The following DLG2 variants were observed in gnomAD, a reference collection of about 807,000 sequenced individuals.
DLG2 encodes the protein disks large homolog 2.
A neutral mutation model predicts 132.5 loss-of-function variants in DLG2; 45 were observed. The observed-to-expected ratio is 0.34, with a 90% confidence interval of 0.27 to 0.44. The LOEUF is 0.44. Among genes scored for constraint, DLG2 ranks in the 20% least tolerant of loss-of-function variants. The pLI is 1.00. For synonymous variants in DLG2, 424 were observed against 419.6 expected (o/e 1.01, Z -0.13); for missense variants, 1,045 against 1,196.9 (o/e 0.87, Z 1.87).
intron 10 of DLG2, among the ~76,000 whole-genome samples, chr11:84,090,493 G>A (rs1198062069): frequency 6.7e-6 from 1 of 150,178 alleles, no homozygotes; most frequent in Non-Finnish European, 1.5e-5. Context: ...CACAAATGAC[G>A]AGTAACATTT....
intron 3 of DLG2, among the ~76,000 whole-genome samples, chr11:85,337,236 T>A (rs2082195077): frequency 1.3e-5 from 2 of 152,192 alleles, no homozygotes; most frequent in African/African-American, 4.8e-5. Context: ...CTGTTAAAAA[T>A]ATTTTAATTC....
intron 7 of DLG2, among the ~76,000 whole-genome samples, chr11:84,391,676 G>A (rs2098792944): frequency 6.6e-6 from 1 of 152,008 alleles, no homozygotes; most frequent in Admixed American, 6.6e-5. Context: ...CACTACAGCT[G>A]ATTGTATTCC....
rs2096884591 is a variant in DLG2, at chr11:83,577,080, T to A, written c.1941-35222A>T. On this transcript the variant is annotated intron_variant, in intron 19 of 27. Transcript: ENST00000376104. ...CCTTAATCTGGTAGGCACAATCTAA[T>A]CAGCTGCCAGCGAATATAAAGCAGG... Among the ~76,000 whole-genome samples the A allele has an allele frequency of 2.0e-5, 3 of 152,102 alleles. No individual in the cohort carries two copies. The South Asian group carries it at 6.2e-4, about 32-fold the overall frequency.
At chr11:84,287,805 T>C (rs1163463562) in intron 7 of DLG2, among the ~76,000 whole-genome samples, 1 of 150,738 alleles carries the variant, frequency 6.6e-6, no homozygotes, top group Non-Finnish European at 1.5e-5. Context: ...CTATTTCATA[T>C]AGAAGGAGAA....
chr11:85,411,387 A>C (rs890647011), intron 3 of DLG2, among the ~76,000 whole-genome samples: 2 of 151,902 alleles, frequency 1.3e-5, no homozygotes, highest in African/African-American at 4.8e-5. Flanking sequence ...GCAGCGTTAA[A>C]GAACATAGAC....
chr11:85,562,375 T>C (rs988501758), intron 3 of DLG2, among the ~76,000 whole-genome samples: 28 of 151,726 alleles, frequency 1.8e-4, no homozygotes, highest in African/African-American at 6.8e-4. Context: ...AGAAGGGAAA[T>C]GTTTACCATT....
At chr11:84,596,297 T>C (rs1020032539) in intron 6 of DLG2, among the ~76,000 whole-genome samples, 1 of 151,164 alleles carries the variant, frequency 6.6e-6, no homozygotes, top group Non-Finnish European at 1.5e-5. Context: ...AACCTCTGCC[T>C]CCCAGGTACA....
chr11:84,973,256 G>A (rs2054365571), intron 6 of DLG2, among the ~76,000 whole-genome samples: 1 of 152,066 alleles, frequency 6.6e-6, no homozygotes, highest in Non-Finnish European at 1.5e-5. Context: ...ACCACGCCTG[G>A]CCTAAGCCTC....
intron 6 of DLG2, among the ~76,000 whole-genome samples, chr11:84,549,457 C>T (rs2099397308): frequency 6.6e-6 from 1 of 152,184 alleles, no homozygotes; most frequent in Non-Finnish European, 1.5e-5. Flanking sequence ...TTGCTCAGTG[C>T]ACCTGGTGCC....
intron 14 of DLG2, among the ~76,000 whole-genome samples, chr11:83,950,179 G>T (rs927097993): frequency 6.6e-6 from 1 of 152,190 alleles, no homozygotes; most frequent in African/African-American, 2.4e-5. Context: ...TTTGTAAACT[G>T]AAAGGTATTA....
chr11:84,313,687 A>AAG (rs760229361), intron 7 of DLG2, among the ~76,000 whole-genome samples: 7 of 141,380 alleles, frequency 5.0e-5, no homozygotes, highest in African/African-American at 1.0e-4. Flanking sequence ...GAAAGAAAGA[A>AAG]AAAGAAAGAG....
At chr11:85,065,643 G>C (rs1053087166) in intron 6 of DLG2, among the ~76,000 whole-genome samples, 60 of 151,048 alleles carry the variant, frequency 4.0e-4, no homozygotes, top group African/African-American at 1.4e-3. Context: ...AATAAAGCTA[G>C]AAATTAATAC....
intron 7 of DLG2, among the ~76,000 whole-genome samples, chr11:84,339,687 G>T (rs1307441533): frequency 6.6e-6 from 1 of 152,152 alleles, no homozygotes; most frequent in African/African-American, 2.4e-5. Flanking sequence ...AGGAAGCAGA[G>T]CTGAATTCTG....
chr11:84,519,654 C>T (rs1249573991), intron 7 of DLG2, among the ~76,000 whole-genome samples: 2 of 152,126 alleles, frequency 1.3e-5, no homozygotes, highest in African/African-American at 4.8e-5. Context: ...GCAGGCCTCA[C>T]AGACACAATA....
At chr11:84,933,795 T>C (rs1270965050) in intron 6 of DLG2, among the ~76,000 whole-genome samples, 1 of 152,226 alleles carries the variant, frequency 6.6e-6, no homozygotes, top group Non-Finnish European at 1.5e-5. Flanking sequence ...TATAAGATCA[T>C]GTCATCTGCA....
At chr11:83,461,355 A>G (rs2089980010) in intron 27 of DLG2, among the ~76,000 whole-genome samples, 1 of 152,108 alleles carries the variant, frequency 6.6e-6, no homozygotes, top group South Asian at 2.1e-4. Context: ...CAAATTTCAC[A>G]AAGTCTGATT....
intron 11 of DLG2, among the ~76,000 whole-genome samples, chr11:84,051,870 G>T (rs1374345104): frequency 6.6e-6 from 1 of 151,666 alleles, no homozygotes; most frequent in Non-Finnish European, 1.5e-5. Flanking sequence ...GCTTCCAAAA[G>T]GTATATGCCT....
intron 3 of DLG2, among the ~76,000 whole-genome samples, chr11:85,457,081 C>T (rs914119233): frequency 2.6e-5 from 4 of 151,950 alleles, no homozygotes; most frequent in African/African-American, 9.7e-5. Flanking sequence ...TGAGAAATTG[C>T]TTTATGAATC....
intron 4 of DLG2, among the ~76,000 whole-genome samples, chr11:85,284,054 G>A (rs1416009301): frequency 6.6e-6 from 1 of 151,850 alleles, no homozygotes; most frequent in Non-Finnish European, 1.5e-5. Flanking sequence ...TCAATGTTAT[G>A]ATATGGATAA....
Sources: allele counts gnomAD v4.1 joint callset (sites outside exome capture counted in the v4.1 genomes callset), GRCh38; gene constraint gnomAD v4.1.1; transcripts MANE v1.5; gene names NCBI Gene and HGNC (gene_info 2026-07-23, HGNC 2026-07-21).